Variants in SLC30A9 observed in about 807,000 individuals in gnomAD.
SLC30A9 encodes the protein proton-coupled zinc antiporter SLC30A9, mitochondrial.
Under a neutral mutation model 87.5 loss-of-function variants are expected in SLC30A9, and 58 were observed. That is an observed-to-expected ratio of 0.66 (90% CI 0.54 to 0.82). The LOEUF (loss-of-function observed/expected upper bound fraction) is 0.82, where lower values mean the gene tolerates loss of function less well. SLC30A9 is among the 40% of genes least tolerant of loss of function. The pLI is 0.00. For missense variants in SLC30A9, 557 were observed against 679.1 expected, an observed-to-expected ratio of 0.82 and a Z score of 2.00; for synonymous variants, 234 against 233.0, an observed-to-expected ratio of 1.00 and a Z score of -0.04.
At chr4:42,040,796 A>C (rs1250389529) in intron 8 of SLC30A9, among the ~76,000 whole-genome samples, 1 of 8,658 alleles carries the variant, frequency 1.2e-4, no homozygotes, top group Non-Finnish European at 2.9e-4. Context: ...ACTCTGTCTC[A>C]AAAAAAAAAA....
chr4:42,080,315 C>T (rs1013650881), intron 17 of SLC30A9, among the ~76,000 whole-genome samples: 3 of 152,184 alleles, frequency 2.0e-5, no homozygotes, highest in Admixed American at 1.3e-4. Flanking sequence ...ACTCTTAGAA[C>T]TCACCGAATC....
At chr4:41,993,805 A>T (rs1362244985) in intron 1 of SLC30A9, among the ~76,000 whole-genome samples, 1 of 152,316 alleles carries the variant, frequency 6.6e-6, no homozygotes, top group African/African-American at 2.4e-5. Context: ...GGGAAACTGA[A>T]ATATATTATG....
intron 2 of SLC30A9, among the ~76,000 whole-genome samples, chr4:42,012,937 T>C (rs1423521601): frequency 6.6e-6 from 1 of 152,182 alleles, no homozygotes; most frequent in Non-Finnish European, 1.5e-5. Flanking sequence ...AGTAAACTTT[T>C]TTTTAATATT....
At chr4:41,998,193 A>G (rs1169247166) in intron 1 of SLC30A9, among the ~76,000 whole-genome samples, 1 of 152,238 alleles carries the variant, frequency 6.6e-6, no homozygotes, top group Non-Finnish European at 1.5e-5. Context: ...CACTAGCTAC[A>G]GAGGCCATGA....
intron 7 of SLC30A9, among the ~76,000 whole-genome samples, chr4:42,038,392 C>T (rs545022134): frequency 6.6e-6 from 1 of 152,030 alleles, no homozygotes; most frequent in Non-Finnish European, 1.5e-5. Flanking sequence ...TATTTTTCAC[C>T]GTAAGCAGCA....
chr4:42,056,905 C>T (rs1717642921), intron 9 of SLC30A9, among the ~76,000 whole-genome samples: 1 of 152,154 alleles, frequency 6.6e-6, no homozygotes, highest in African/African-American at 2.4e-5. Flanking sequence ...GAGACATTGG[C>T]CAAAACAAAG....
intron 17 of SLC30A9, among the ~76,000 whole-genome samples, chr4:42,085,416 T>C (rs1460808555): frequency 6.6e-6 from 1 of 152,238 alleles, no homozygotes; most frequent in Non-Finnish European, 1.5e-5. Flanking sequence ...AATTTCTTCG[T>C]ACTTCAGTTT....
chr4:42,030,618 TG>T (rs1560544159), intron 6 of SLC30A9, among the ~76,000 whole-genome samples: 2 of 149,260 alleles, frequency 1.3e-5, no homozygotes, highest in Non-Finnish European at 3.0e-5. Context: ...TCAAAGATAA[TG>T]GCCCATCAAT....
intron 5 of SLC30A9, 66 bp from the exon 6 acceptor site, chr4:42,023,236 A>G (rs1577690952): frequency 9.4e-7 from 1 of 1,060,734 alleles, no homozygotes; most frequent in East Asian, 2.4e-5. Flanking sequence ...GAGAATTTAG[A>G]TTTAAATGTG....
chr4:42,020,646 T>C, intron 4 of SLC30A9, 131 bp downstream of exon 4: 1 of 508,956 alleles, frequency 2.0e-6, no homozygotes, highest in Non-Finnish European at 3.4e-6. Flanking sequence ...AATGAAGAGA[T>C]ATTTTTATTC....
intron 6 of SLC30A9, among the ~76,000 whole-genome samples, chr4:42,032,673 G>A (rs922511182): frequency 1.8e-4 from 28 of 152,152 alleles, no homozygotes; most frequent in African/African-American, 5.8e-4. Context: ...GGAAGAGGGA[G>A]AAGAAGATAT....
rs370460378 is a variant in SLC30A9 at position 42,049,337 on chromosome 4, G to C, written c.738-40G>C. On this transcript the variant is annotated intron_variant, in intron 8 of 17. Coordinates refer to ENST00000264451, the MANE Select transcript of SLC30A9 (RefSeq NM_006345.4). The stretch of plus-strand genomic sequence containing the variant: ...GAGTATGCTTTTGGCTTAAATTTTT[G>C]TCCAAACCTATGCTAAATTGTTTTC... 9.6e-5 allele frequency: 129 copies of C among 1,343,512 alleles called. 1 individual carries two copies. Among genetic ancestry groups the C allele is most frequent in the Non-Finnish European group, 1.3e-4 (122 of 946,252 alleles). 83.2% of individuals were successfully genotyped at this position (1,343,512 alleles called of 1,614,324 possible).
chr4:42,040,117 A>G (rs567666542), intron 8 of SLC30A9, among the ~76,000 whole-genome samples: 10 of 152,290 alleles, frequency 6.6e-5, no homozygotes, highest in East Asian at 5.8e-4. Flanking sequence ...TGGCTGTACA[A>G]TTGTGTAAAT....
At chr4:42,074,219 T>A (rs1314455161) in intron 15 of SLC30A9, among the ~76,000 whole-genome samples, 1 of 152,232 alleles carries the variant, frequency 6.6e-6, no homozygotes, top group East Asian at 1.9e-4. Context: ...GATGGTTGAT[T>A]AAAATATAGC....
chr4:42,087,263 G>GCCC lies in SLC30A9; in HGVS notation c.*1137_*1138insCCC, dbSNP rs1718955942. ...AGGTGGAAAAAAAACATGCAATTCA[G>GCCC]TAATTGAAAATGTGGTGAAAAGCTG... On this transcript the variant is annotated 3_prime_UTR_variant, in exon 18 of 18. Transcript: ENST00000264451. The GCCC allele has an allele frequency of 6.6e-6, 1 of 152,074 alleles. No homozygotes were observed. The highest frequency in any genetic ancestry group is 1.5e-5 in the Non-Finnish European group (1 of 67,938). The allele number at this position is 152,074 out of a possible 1,614,324, so 9.4% of individuals were successfully genotyped here. A position where few individuals can be genotyped will look rare whatever the true frequency, so the allele number is the denominator to read the frequency against.
rs200290439 is a variant in SLC30A9 at position 42,086,047 on chromosome 4, G to A, written c.1663-35G>A. 7.1e-4 allele frequency: 726 copies of A among 1,018,752 alleles called. 14 individuals carry two copies. The highest frequency in any genetic ancestry group is 9.3e-4 in the Non-Finnish European group (689 of 737,848). 63.1% of individuals were successfully genotyped at this position (1,018,752 alleles called of 1,614,324 possible). A position where few individuals can be genotyped will look rare whatever the true frequency, so the allele number is the denominator to read the frequency against. On this transcript the variant is annotated intron_variant, in intron 17 of 17. Transcript: ENST00000264451. ...ATAAAAAGAAACAAGATTTTATTTT[G>A]CTACAAATAATGTGGTGGTGATTTT...
intron 2 of SLC30A9, among the ~76,000 whole-genome samples, chr4:42,014,168 A>G (rs1715590726): frequency 6.6e-6 from 1 of 152,214 alleles, no homozygotes; most frequent in Non-Finnish European, 1.5e-5. Context: ...GTGCAAATCA[A>G]AACTATAATA....
At chr4:42,044,457 C>A (rs1385517033) in intron 8 of SLC30A9, among the ~76,000 whole-genome samples, 2 of 147,076 alleles carry the variant, frequency 1.4e-5, no homozygotes, top group Admixed American at 1.3e-4. Context: ...CGACAAAGAT[C>A]AAAAAAGACA....
rs539618736 is a variant in SLC30A9 at position 42,075,923 on chromosome 4, C to T, written c.1548+137C>T. On this transcript the variant is annotated intron_variant, in intron 16 of 17. Coordinates refer to ENST00000264451, the MANE Select transcript of SLC30A9 (RefSeq NM_006345.4). ...CTTAGGTTCCAAAATTTAACAGAGA[C>T]CTTTATATTTACTATGGAGGGGTTC... 8.5e-4 allele frequency: 636 copies of T among 745,164 alleles called. 1 individual carries two copies. The highest frequency in any genetic ancestry group is 1.2e-3 in the Non-Finnish European group (568 of 466,018). 46.2% of individuals were successfully genotyped at this position (745,164 alleles called of 1,614,324 possible).
Sources: gnomAD v4.1 joint callset for allele counts (sites outside exome capture counted in the v4.1 genomes callset) on GRCh38, gnomAD v4.1.1 for gene constraint, MANE v1.5 for transcripts, NCBI Gene and HGNC (gene_info 2026-07-23, HGNC 2026-07-21) for gene names.